The following CCSER2 variants were observed in gnomAD, a reference collection of about 807,000 sequenced individuals.
CCSER2 encodes coiled-coil serine rich protein 2, also known as serine-rich coiled-coil domain-containing protein 2.
CCSER2 carries 46 observed loss-of-function variants against 92.3 expected under a neutral mutation model. The observed-to-expected ratio is 0.50, with a 90% CI of 0.39 to 0.64. CCSER2 has a LOEUF of 0.64. Among genes scored for constraint, CCSER2 ranks in the 30% least tolerant of loss-of-function variants. The probability of loss-of-function intolerance (pLI) is 0.00; values close to 1 mark genes in which losing one functional copy is unlikely to be tolerated. For missense variants in CCSER2, 1,244 were observed against 1,238.9 expected, an observed-to-expected ratio of 1.00 and a Z score of -0.06; for synonymous variants, 433 against 431.4, an observed-to-expected ratio of 1.00 and a Z score of -0.04.
intron 3 of CCSER2, among the ~76,000 whole-genome samples, chr10:84,403,259 C>A (rs1298420643): frequency 6.6e-6 from 1 of 152,094 alleles, no homozygotes; most frequent in Non-Finnish European, 1.5e-5. Context: ...CAAAATAAAT[C>A]TCAACCTAAA....
Position 84,372,080 on chromosome 10 carries a change from C to A in CCSER2, c.1028C>A (p.Pro343His). Residue 343 changes from proline (P) to histidine (H), a missense_variant, in exon 2 of 10, where the codon CCT becomes CAT. By Grantham distance (77) the Pro-to-His change is moderately conservative. Transcript: ENST00000372088. ...TMTVDGNKNS[P>H]ADTCVEEDAT... ...ACAGTTGATGGAAATAAAAATTCAC[C>A]TGCTGACACATGTGTAGAGGAAGAT... The A allele has an allele frequency of 6.2e-7, 1 of 1,613,762 alleles. No homozygotes were observed. The highest frequency in any genetic ancestry group is 1.3e-5 in the African/African-American group (1 of 75,012).
intron 6 of CCSER2, among the ~76,000 whole-genome samples, chr10:84,457,496 GTATC>G (rs1469477847): frequency 8.9e-6 from 1 of 112,218 alleles, no homozygotes; most frequent in African/African-American, 3.6e-5. Flanking sequence ...CTGGAAGAAA[GTATC>G]TGCAATCATA....
intron 1 of CCSER2, among the ~76,000 whole-genome samples, chr10:84,330,779 T>C (rs1157630748): frequency 1.3e-5 from 2 of 152,116 alleles, no homozygotes; most frequent in African/African-American, 4.8e-5. Flanking sequence ...GTGCTGGGAT[T>C]GTAGGCTGGT....
intron 1 of CCSER2, among the ~76,000 whole-genome samples, chr10:84,356,278 T>A (rs1248963285): frequency 6.6e-6 from 1 of 152,120 alleles, no homozygotes; most frequent in East Asian, 1.9e-4. Flanking sequence ...CTTTAGTCAC[T>A]TTGGTATTTG....
At chr10:84,460,044 T>C (rs1846005249) in intron 6 of CCSER2, among the ~76,000 whole-genome samples, 1 of 151,800 alleles carries the variant, frequency 6.6e-6, no homozygotes, top group Non-Finnish European at 1.5e-5. Context: ...CAGTTGCTCA[T>C]GGTGTATTTC....
chr10:84,391,817 G>C (rs934773687), intron 3 of CCSER2: 1 of 1,562,580 alleles, frequency 6.4e-7, no homozygotes, highest in African/African-American at 1.4e-5. Context: ...TCAGCATTCC[G>C]TGGAATTTGT....
intron 1 of CCSER2, among the ~76,000 whole-genome samples, chr10:84,342,795 T>C (rs893627426): frequency 2.0e-5 from 3 of 152,252 alleles, no homozygotes; most frequent in Non-Finnish European, 2.9e-5. Flanking sequence ...TCTTAATTGT[T>C]AAATCCACTG....
chr10:84,452,017 A>G (rs1430286222), intron 6 of CCSER2, among the ~76,000 whole-genome samples: 1 of 152,196 alleles, frequency 6.6e-6, no homozygotes, highest in East Asian at 1.9e-4. Context: ...TTGTTCATCT[A>G]TATACCTTTG....
intron 5 of CCSER2, among the ~76,000 whole-genome samples, chr10:84,427,272 G>A (rs1302941172): frequency 1.3e-5 from 2 of 152,124 alleles, no homozygotes; most frequent in Admixed American, 6.6e-5. Flanking sequence ...AGATTGATCC[G>A]TTTATTGAAA....
intron 6 of CCSER2, among the ~76,000 whole-genome samples, chr10:84,453,674 G>A (rs970991714): frequency 6.6e-6 from 1 of 152,124 alleles, no homozygotes; most frequent in Non-Finnish European, 1.5e-5. Context: ...TCTGAGAGTA[G>A]TGTTAATCTC....
Position 84,371,400 on chromosome 10 carries a change from T to G in CCSER2, c.348T>G (p.Ser116Arg). 6.2e-7 allele frequency: 1 copy of G among 1,613,480 alleles called. No homozygotes were observed. Among genetic ancestry groups the G allele is most frequent in the Admixed American group, 1.7e-5 (1 of 59,906 alleles). Residue 116 changes from serine (S) to arginine (R), a missense_variant, in exon 2 of 10, where the codon AGT becomes AGG. Transcript: ENST00000372088. ...DKNGIKGGLK[S>R]VSLFTSKLAK... ...ATGGGATAAAGGGAGGTTTGAAAAG[T>G]GTTTCTTTATTCACATCAAAGTTAG...
At chr10:84,408,208 T>C (rs780403995) in intron 3 of CCSER2, among the ~76,000 whole-genome samples, 9 of 152,172 alleles carry the variant, frequency 5.9e-5, no homozygotes, top group Non-Finnish European at 1.3e-4. Flanking sequence ...TGTCACATAT[T>C]GGAAGATTAT....
At chr10:84,475,120 C>A (rs1012525418) in intron 8 of CCSER2, among the ~76,000 whole-genome samples, 1 of 152,096 alleles carries the variant, frequency 6.6e-6, no homozygotes, top group African/African-American at 2.4e-5. Flanking sequence ...ATCAACAAAC[C>A]CTTTCTCAGA....
chr10:84,457,667 TTTAG>T (rs1439430838), intron 6 of CCSER2, among the ~76,000 whole-genome samples: 1 of 115,388 alleles, frequency 8.7e-6, no homozygotes, highest in African/African-American at 3.2e-5. Flanking sequence ...TATTTTTAAT[TTTAG>T]TTATTATATA....
chr10:84,393,328 A>G (rs1027597709), intron 3 of CCSER2, among the ~76,000 whole-genome samples: 13 of 152,160 alleles, frequency 8.5e-5, no homozygotes, highest in African/African-American at 3.1e-4. Flanking sequence ...CAAAACTTCT[A>G]AAATTTAAAT....
At chr10:84,495,856 G>A (rs780814279) in intron 9 of CCSER2, among the ~76,000 whole-genome samples, 25 of 148,140 alleles carry the variant, frequency 1.7e-4, no homozygotes, top group Middle Eastern at 7.0e-3. Context: ...TGAATTTCCT[G>A]TAATCTGCAT....
intron 8 of CCSER2, among the ~76,000 whole-genome samples, chr10:84,475,376 T>C (rs1455310193): frequency 6.6e-6 from 1 of 152,204 alleles, no homozygotes; most frequent in African/African-American, 2.4e-5. Context: ...TGTTGACATG[T>C]CACTAGAAAC....
chr10:84,407,907 G>C (rs182899581), intron 3 of CCSER2, among the ~76,000 whole-genome samples: 2 of 152,096 alleles, frequency 1.3e-5, no homozygotes, highest in African/African-American at 4.8e-5. Flanking sequence ...CTCACAAAAT[G>C]AGACTTTCTG....
intron 3 of CCSER2, among the ~76,000 whole-genome samples, chr10:84,395,223 TAAAAAAAA>T (rs34500936): frequency 7.7e-6 from 1 of 129,390 alleles, no homozygotes; most frequent in East Asian, 2.2e-4. Flanking sequence ...GACCCTGTCT[TAAAAAAAA>T]AAAAAAAAAA....
Sources: allele counts gnomAD v4.1 joint callset (sites outside exome capture counted in the v4.1 genomes callset), GRCh38; gene constraint gnomAD v4.1.1; transcripts MANE v1.5; gene names NCBI Gene and HGNC (gene_info 2026-07-23, HGNC 2026-07-21).